Variants in HAS2 observed in about 807,000 individuals in gnomAD.
HAS2 encodes the protein hyaluronan synthase 2.
Under a neutral mutation model 51.6 loss-of-function variants are expected in HAS2, and 16 were observed. That is an observed-to-expected ratio of 0.31 (90% confidence interval 0.21 to 0.47). HAS2 has a LOEUF of 0.47. Ranked by LOEUF, HAS2 falls within the 20% of genes least tolerant of loss-of-function variation. HAS2 has a pLI of 1.00. For missense variants in HAS2, 361 were observed against 662.6 expected, an observed-to-expected ratio of 0.54 and a Z score of 5.00; for synonymous variants, 228 against 235.5, an observed-to-expected ratio of 0.97 and a Z score of 0.29.
chr8:121,615,630 G>A (rs1033638351), intron 3 of HAS2, among the ~76,000 whole-genome samples: 1 of 148,196 alleles, frequency 6.7e-6, no homozygotes, highest in Non-Finnish European at 1.5e-5. Flanking sequence ...GCCAAATTGA[G>A]ATTTTTTTTT....
intron 1 of HAS2, among the ~76,000 whole-genome samples, chr8:121,637,886 C>A (rs1282468815): frequency 3.9e-5 from 6 of 152,172 alleles, no homozygotes; most frequent in Admixed American, 2.0e-4. Context: ...AAAAAGAGAA[C>A]CCAGAAGGAG....
chr8:121,634,736 C>A (rs1812986670), intron 1 of HAS2, among the ~76,000 whole-genome samples: 1 of 151,156 alleles, frequency 6.6e-6, no homozygotes, highest in African/African-American at 2.4e-5. Context: ...CTTAAGGGTA[C>A]CCCTCAAACA....
Position 121,629,175 on chromosome 8 carries a change from G to A in HAS2, c.166C>T (p.His56Tyr). The change falls in exon 2 of 4, where the codon CAC (histidine) becomes TAC (tyrosine). Residue 56 changes from histidine to tyrosine, a missense_variant. His to Tyr is a moderately conservative substitution (Grantham distance 83). Coordinates refer to ENST00000303924, the MANE Select transcript of HAS2 (RefSeq NM_005328.3). ...GCAAACAGGCTTTGGATGATGAGGT[G>A]TGATGCCAAAAAGGCACCATACAGT... ...FGLYGAFLAS[H>Y]LIIQSLFAFL... 6.2e-7 allele frequency: 1 copy of A among 1,613,998 alleles called. No individual in the cohort carries two copies. The highest frequency in any genetic ancestry group is 8.5e-7 in the Non-Finnish European group (1 of 1,179,908).
chr8:121,626,613 G>T (rs184450795), intron 2 of HAS2, among the ~76,000 whole-genome samples: 1 of 152,278 alleles, frequency 6.6e-6, no homozygotes, highest in East Asian at 1.9e-4. Context: ...TCCCTTAGTT[G>T]TCTTTCTGTG....
intron 1 of HAS2, among the ~76,000 whole-genome samples, chr8:121,632,176 C>A (rs1044807596): frequency 2.0e-5 from 3 of 152,156 alleles, no homozygotes; most frequent in South Asian, 2.1e-4. Flanking sequence ...AGGCAAAAGG[C>A]ACATTTTAGA....
At chr8:121,627,379 GAC>G (rs1344690668) in intron 2 of HAS2, among the ~76,000 whole-genome samples, 1 of 152,062 alleles carries the variant, frequency 6.6e-6, no homozygotes, top group Non-Finnish European at 1.5e-5. Context: ...GGAGAAACTT[GAC>G]AGAGAAATGC....
chr8:121,630,037 C>T (rs1417977714), intron 1 of HAS2, among the ~76,000 whole-genome samples: 1 of 151,908 alleles, frequency 6.6e-6, no homozygotes. Context: ...AAAAATCTTC[C>T]ATCCCTAAGT....
At chr8:121,637,770 G>T (rs1412176012) in intron 1 of HAS2, among the ~76,000 whole-genome samples, 1 of 152,216 alleles carries the variant, frequency 6.6e-6, no homozygotes, top group Non-Finnish European at 1.5e-5. Flanking sequence ...CCAAGTTGGG[G>T]TGATGGAAAT....
chr8:121,641,171 T>G lies in HAS2; in HGVS notation c.-319A>C, dbSNP rs1813096258. The G allele has an allele frequency of 8.1e-6, 1 of 122,844 alleles. No homozygotes were observed. The highest frequency in any genetic ancestry group is 3.0e-4 in the South Asian group (1 of 3,362). The allele number at this position is 122,844 out of a possible 1,614,324, so 7.6% of individuals were successfully genotyped here. On this transcript the variant is annotated 5_prime_UTR_variant, in exon 1 of 4. Coordinates refer to ENST00000303924, the MANE Select transcript of HAS2 (RefSeq NM_005328.3). ...TTCTTTTCTTTTCTTTTTTTTTTTT[T>G]TTTTTTTTTGGGCTTCAGTCTTTCT...
intron 2 of HAS2, among the ~76,000 whole-genome samples, chr8:121,618,002 C>CA (rs11356339): frequency 0.056 from 7,127 of 126,300 alleles, 208 homozygotes; most frequent in Non-Finnish European, 0.079. Flanking sequence ...TTCTATGAGC[C>CA]AAAAAAAAAA....
chr8:121,624,983 G>A (rs1196943777), intron 2 of HAS2, among the ~76,000 whole-genome samples: 1 of 151,622 alleles, frequency 6.6e-6, no homozygotes, highest in Non-Finnish European at 1.5e-5. Context: ...CTGTAGTCCC[G>A]GGTACTTGGG....
chr8:121,637,977 A>G (rs1452090418), intron 1 of HAS2, among the ~76,000 whole-genome samples: 2 of 152,362 alleles, frequency 1.3e-5, no homozygotes, highest in African/African-American at 4.8e-5. Flanking sequence ...CTAGTAATGT[A>G]ACAAACTACT....
intron 2 of HAS2, among the ~76,000 whole-genome samples, chr8:121,622,381 T>C (rs1240913675): frequency 6.6e-6 from 1 of 152,162 alleles, no homozygotes; most frequent in East Asian, 1.9e-4. Flanking sequence ...TAACCACCTA[T>C]GTAAACTCGG....
Position 121,613,866 on chromosome 8 carries a change from A to T in HAS2, c.*243T>A. 1 of 575,152 alleles carries T rather than the reference A, an allele frequency of 1.7e-6. No homozygotes were observed. The highest frequency in any genetic ancestry group is 3.0e-6 in the Non-Finnish European group (1 of 330,336). The allele number at this position is 575,152 out of a possible 1,614,324, so 35.6% of individuals were successfully genotyped here. A position where few individuals can be genotyped will look rare whatever the true frequency, so the allele number is the denominator to read the frequency against. ...TTTCAGGCGGATGCACAGTAAGGAA[A>T]AAGTGCATAAACAAAGAATTCATCC... On this transcript the variant is annotated 3_prime_UTR_variant, in exon 4 of 4. Transcript: ENST00000303924.
At chr8:121,625,216 C>A (rs1812830211) in intron 2 of HAS2, among the ~76,000 whole-genome samples, 1 of 144,676 alleles carries the variant, frequency 6.9e-6, no homozygotes, top group African/African-American at 2.6e-5. Context: ...AGGGAAAAAA[C>A]AGAAAAATAT....
At chr8:121,629,673 A>G (rs1488211920) in intron 1 of HAS2, among the ~76,000 whole-genome samples, 2 of 152,206 alleles carry the variant, frequency 1.3e-5, no homozygotes, top group African/African-American at 2.4e-5. Flanking sequence ...CTCTATATAT[A>G]TGTGGTCATA....
At chr8:121,628,070 A>G (rs1421444258) in intron 2 of HAS2, among the ~76,000 whole-genome samples, 2 of 152,176 alleles carry the variant, frequency 1.3e-5, no homozygotes, top group African/African-American at 2.4e-5. Context: ...GGCAAACACC[A>G]TCACAAATGC....
rs986303111 is a variant in HAS2, at chr8:121,614,099, A to T, written c.*10T>A. The T allele has an allele frequency of 1.2e-6, 2 of 1,613,950 alleles. No homozygotes were observed. Among genetic ancestry groups the T allele is most frequent in the African/African-American group, 2.7e-5 (2 of 74,926 alleles). The stretch of plus-strand genomic sequence containing the variant: ...GTTGTGTGTGACTGCAAACGTCAAA[A>T]CATGGAAGATCATACATCAAGCACC... On this transcript the variant is annotated 3_prime_UTR_variant, in exon 4 of 4. Coordinates refer to ENST00000303924, the MANE Select transcript of HAS2 (RefSeq NM_005328.3). This position sits in a 1 kb window ranked among gnomAD's most constrained non-coding sequence, Gnocchi z 7.2.
intron 1 of HAS2, among the ~76,000 whole-genome samples, chr8:121,632,448 ACT>A (rs917604852): frequency 3.9e-5 from 6 of 152,078 alleles, no homozygotes; most frequent in African/African-American, 1.4e-4. Context: ...TGAAATCTAC[ACT>A]CTCTAAATAT....
Sources: allele counts gnomAD v4.1 joint callset (sites outside exome capture counted in the v4.1 genomes callset), GRCh38; gene constraint gnomAD v4.1.1; non-coding constraint Gnocchi (gnomAD v3.1); transcripts MANE v1.5; gene names NCBI Gene and HGNC (gene_info 2026-07-23, HGNC 2026-07-21).